Variants in PCNX4 observed in about 807,000 individuals in gnomAD.
PCNX4 encodes pecanex-like protein 4.
A neutral mutation model predicts 107.2 loss-of-function variants in PCNX4; 103 were observed. That is an observed-to-expected ratio of 0.96 (90% CI 0.82 to 1.13). PCNX4 has a LOEUF of 1.13. PCNX4 is among the 50% of genes most tolerant of loss of function. The pLI is 0.00. For missense variants in PCNX4, 1,528 were observed against 1,379.4 expected, an observed-to-expected ratio of 1.11 and a Z score of -1.71; for synonymous variants, 541 against 481.7, an observed-to-expected ratio of 1.12 and a Z score of -1.61.
intron 10 of PCNX4, among the ~76,000 whole-genome samples, chr14:60,130,323 T>C (rs1268821349): frequency 1.4e-5 from 2 of 146,684 alleles, no homozygotes; most frequent in Non-Finnish European, 3.0e-5. Context: ...ATATGTAATA[T>C]ATAAAATAAA....
rs1335029417 is a variant in PCNX4 at position 60,093,460 on chromosome 14, G to A, written c.-54+1041G>A. Among the ~76,000 whole-genome samples, 3 of 152,102 alleles carry A rather than the reference G, an allele frequency of 2.0e-5. 1 individual carries two copies. Among genetic ancestry groups the A allele is most frequent in the Admixed American group, 1.3e-4 (2 of 15,272 alleles). On this transcript the variant is annotated intron_variant, in intron 1 of 10. Coordinates refer to ENST00000406854, the MANE Select transcript of PCNX4 (RefSeq NM_001330177.2). ...TCACATAGACGGGAAAATACAATAT[G>A]TGGCCTTTTGTAACGGGCTTTCACT...
At chr14:60,116,275 C>T (rs1206084664) in intron 6 of PCNX4, among the ~76,000 whole-genome samples, 1 of 152,182 alleles carries the variant, frequency 6.6e-6, no homozygotes, top group Non-Finnish European at 1.5e-5. Context: ...AATCTACTTT[C>T]TGTCTTTATG....
intron 8 of PCNX4, 90 bp downstream of exon 8, chr14:60,121,389 A>G: frequency 7.5e-7 from 1 of 1,339,822 alleles, no homozygotes; most frequent in South Asian, 1.4e-5. Flanking sequence ...TCAATTTGAA[A>G]GAAGAATATC....
At chr14:60,104,394 T>C (rs955959636) in intron 1 of PCNX4, among the ~76,000 whole-genome samples, 2 of 151,420 alleles carry the variant, frequency 1.3e-5, no homozygotes, top group Non-Finnish European at 2.9e-5. Context: ...GACAGCAATA[T>C]GTCATATTTT....
chr14:60,108,554 A>G, intron 2 of PCNX4: 1 of 338,532 alleles, frequency 3.0e-6, no homozygotes, highest in Non-Finnish European at 5.5e-6. Context: ...CCTTTTTGAG[A>G]TAAGGAACTT....
chr14:60,132,039 A>C (rs1246521976), intron 10 of PCNX4, among the ~76,000 whole-genome samples: 2 of 152,236 alleles, frequency 1.3e-5, no homozygotes, highest in East Asian at 3.8e-4. Context: ...AAACTGGGTG[A>C]CTTTTTAAAA....
chr14:60,129,511 C>T (rs1469162834), intron 10 of PCNX4, among the ~76,000 whole-genome samples: 1 of 152,134 alleles, frequency 6.6e-6, no homozygotes, highest in Non-Finnish European at 1.5e-5. Context: ...TATGATTGCA[C>T]CACTGCACTC....
chr14:60,096,985 G>A (rs536246524), intron 1 of PCNX4, among the ~76,000 whole-genome samples: 176 of 152,308 alleles, frequency 1.2e-3, no homozygotes, highest in Admixed American at 2.1e-3. Flanking sequence ...TTCAAAAACT[G>A]TAGCACACCT....
At chr14:60,109,299 A>AT (rs1242363538) in intron 2 of PCNX4, 3 of 167,230 alleles carry the variant, frequency 1.8e-5, no homozygotes, top group South Asian at 4.1e-4. Flanking sequence ...AGCTTATGGC[A>AT]TTTTTTTATG....
intron 2 of PCNX4, among the ~76,000 whole-genome samples, chr14:60,112,709 G>A (rs1308640490): frequency 6.6e-6 from 1 of 152,100 alleles, no homozygotes; most frequent in Non-Finnish European, 1.5e-5. Context: ...AAAAAAAAGT[G>A]TACCAATCTA....
rs966945950 is a variant in PCNX4, at chr14:60,135,591, C to T, written c.*1370C>T. The T allele has an allele frequency of 4.0e-5, 6 of 151,740 alleles. No individual in the cohort carries two copies. The highest frequency in any genetic ancestry group is 7.4e-5 in the Non-Finnish European group (5 of 67,984). 9.4% of individuals were successfully genotyped at this position (151,740 alleles called of 1,614,324 possible). ...TTTCCGAGATGGAATCTCGCTCTGT[C>T]ACCCAGGCTGGGGTGCAGTGGCACG... On this transcript the variant is annotated 3_prime_UTR_variant, in exon 11 of 11. Coordinates refer to ENST00000406854, the MANE Select transcript of PCNX4 (RefSeq NM_001330177.2).
chr14:60,145,116 A>G lies in PCNX4; in HGVS notation c.*10895A>G. ...TTGAGGAGCTGTATCATTATGATTC[A>G]CTATTAAGAATCTTTACAAAAGTTC... On this transcript the variant is annotated 3_prime_UTR_variant, in exon 11 of 11. Coordinates refer to ENST00000406854, the MANE Select transcript of PCNX4 (RefSeq NM_001330177.2). This position sits in a 1 kb window ranked among gnomAD's most constrained non-coding sequence, Gnocchi z 4.0. 2.6e-6 allele frequency: 2 copies of G among 763,540 alleles called. No individual in the cohort carries two copies. Among genetic ancestry groups the G allele is most frequent in the Non-Finnish European group, 4.0e-6 (2 of 503,498 alleles). The allele number at this position is 763,540 out of a possible 1,614,324, so 47.3% of individuals were successfully genotyped here. A position where few individuals can be genotyped will look rare whatever the true frequency, so the allele number is the denominator to read the frequency against.
intron 8 of PCNX4, among the ~76,000 whole-genome samples, chr14:60,122,085 G>A (rs1378435266): frequency 2.0e-5 from 3 of 152,070 alleles, no homozygotes; most frequent in South Asian, 4.1e-4. Flanking sequence ...ATACTCCCAC[G>A]CCCAGTCCGA....
chr14:60,103,372 T>C (rs1895569145), intron 1 of PCNX4, among the ~76,000 whole-genome samples: 1 of 152,192 alleles, frequency 6.6e-6, no homozygotes. Context: ...ATTTCAAAGA[T>C]CTCAAAGGCT....
At chr14:60,109,040 A>C (rs909063808) in intron 2 of PCNX4, 1 of 166,980 alleles carries the variant, frequency 6.0e-6, no homozygotes, top group Non-Finnish European at 1.5e-5. Context: ...TTTTGAGATG[A>C]GGCCTTTGGG....
At chr14:60,119,190 A>G (rs1466907588) in intron 7 of PCNX4, among the ~76,000 whole-genome samples, 1 of 152,186 alleles carries the variant, frequency 6.6e-6, no homozygotes, top group Non-Finnish European at 1.5e-5. Flanking sequence ...TCGGTCAGTG[A>G]TCAGTAGGTA....
At chr14:60,098,812 C>A (rs950757919) in intron 1 of PCNX4, among the ~76,000 whole-genome samples, 2 of 152,080 alleles carry the variant, frequency 1.3e-5, no homozygotes, top group African/African-American at 4.8e-5. Context: ...GTGGTGCATG[C>A]CTGTAATCCC....
At position 60,107,906 on chromosome 14, in the gene PCNX4, A is replaced by G; in HGVS notation, c.268A>G (p.Thr90Ala). ...MLFTAFVIQF[T>A]SLYAKNKSTT... The stretch of plus-strand genomic sequence containing the variant: ...TTTTACTGCATTTGTCATCCAGTTC[A>G]CAAGTTTATACGCCAAAAACAAATC... The change falls in exon 2 of 11, where the codon ACA becomes GCA. Residue 90 changes from threonine (T) to alanine (A), a missense_variant. Physicochemically the swap from Thr to Ala is moderately conservative, Grantham distance 58. Transcript: ENST00000406854. 1 of 1,612,890 alleles carries G rather than the reference A, an allele frequency of 6.2e-7. No individual in the cohort carries two copies.
Position 60,143,904 on chromosome 14 carries a change from A to G in PCNX4, c.*9683A>G, listed in dbSNP as rs1351975794. 1 of 152,234 alleles carries G rather than the reference A, an allele frequency of 6.6e-6. No homozygotes were observed. 9.4% of individuals were successfully genotyped at this position (152,234 alleles called of 1,614,324 possible). ...TTTCTGCTGTAAGGTGTTAAATGTT[A>G]AAGTAAAATTAATAATAGTAGAAGT... On this transcript the variant is annotated 3_prime_UTR_variant, in exon 11 of 11. Coordinates refer to ENST00000406854, the MANE Select transcript of PCNX4 (RefSeq NM_001330177.2).
Sources: allele counts gnomAD v4.1 joint callset (sites outside exome capture counted in the v4.1 genomes callset), GRCh38; gene constraint gnomAD v4.1.1; non-coding constraint Gnocchi (gnomAD v3.1); transcripts MANE v1.5; gene names NCBI Gene and HGNC (gene_info 2026-07-23, HGNC 2026-07-21).